LMO1: variants seen among roughly 807,000 people sequenced by gnomAD.
LMO1 encodes LIM domain only 1, also known as rhombotin-1.
Under a neutral mutation model 18.0 loss-of-function variants are expected in LMO1, and 10 were observed. The observed-to-expected ratio is 0.55, with a 90% CI of 0.34 to 0.94. The LOEUF (loss-of-function observed/expected upper bound fraction) is 0.94. Ranked by LOEUF, LMO1 falls within the 40% of genes least tolerant of loss-of-function variation. The pLI, the probability that LMO1 is intolerant of heterozygous loss-of-function variation, is 0.02. For missense variants in LMO1, 183 were observed against 205.7 expected (o/e 0.89, Z 0.68); for synonymous variants, 77 against 77.9 (o/e 0.99, Z 0.06).
intron 1 of LMO1, among the ~76,000 whole-genome samples, chr11:8,261,769 A>G (rs7951420): frequency 0.6 from 90,963 of 151,952 alleles, 27,232 homozygotes; most frequent in African/African-American, 0.67. Context: ...TGTCTGGCCC[A>G]ACCCCAGACC....
upstream of LMO1, among the ~76,000 whole-genome samples, chr11:8,268,110 A>G (rs962268981): frequency 6.6e-6 from 1 of 152,252 alleles, no homozygotes; most frequent in Non-Finnish European, 1.5e-5. Context: ...GGCGCTCCGG[A>G]TGCCCGCAAG....
At chr11:8,224,817 T>C in intron 3 of LMO1, 96 bp from the exon 4 acceptor site, 1 of 732,234 alleles carries the variant, frequency 1.4e-6, no homozygotes. Flanking sequence ...TGAGGTGAGC[T>C]ATGTGGGAGG....
intron 1 of LMO1, 32 bp downstream of exon 1, chr11:8,263,306 G>T: frequency 6.3e-7 from 1 of 1,591,966 alleles, no homozygotes; most frequent in Admixed American, 1.7e-5. Context: ...GCGAGGGGGT[G>T]AGGGGCGTCG....
intron 1 of LMO1, among the ~76,000 whole-genome samples, chr11:8,261,525 C>G (rs1444588622): frequency 6.6e-6 from 1 of 152,216 alleles, no homozygotes; most frequent in East Asian, 1.9e-4. Context: ...CCTGAGGCCT[C>G]TCACGTACAG....
At chr11:8,237,438 T>G (rs1476072688) in intron 1 of LMO1, among the ~76,000 whole-genome samples, 1 of 152,202 alleles carries the variant, frequency 6.6e-6, no homozygotes, top group African/African-American at 2.4e-5. Context: ...ACCAGTTTTA[T>G]CTCCACAATT....
intron 1 of LMO1, among the ~76,000 whole-genome samples, chr11:8,256,426 G>C (rs79060623): frequency 0.041 from 6,189 of 152,282 alleles, 142 homozygotes; most frequent in Middle Eastern, 0.065. Flanking sequence ...CCTGTAGACA[G>C]GAGGCCACTC....
intron 1 of LMO1, among the ~76,000 whole-genome samples, chr11:8,236,036 T>C (rs1952755979): frequency 6.6e-6 from 1 of 152,124 alleles, no homozygotes; most frequent in African/African-American, 2.4e-5. Context: ...TAGTGGTCAG[T>C]GCAAGTATGT....
At chr11:8,258,343 C>T (rs187730752) in intron 1 of LMO1, among the ~76,000 whole-genome samples, 291 of 152,340 alleles carry the variant, frequency 1.9e-3, no homozygotes, top group African/African-American at 6.6e-3. Context: ...GGGCCTGCAT[C>T]TGCTCTAGAC....
At chr11:8,238,540 G>A (rs1301932530) in intron 1 of LMO1, among the ~76,000 whole-genome samples, 7 of 151,966 alleles carry the variant, frequency 4.6e-5, no homozygotes, top group African/African-American at 1.2e-4. Flanking sequence ...CCGTGGTGGC[G>A]GGTGCCTGTA....
intron 1 of LMO1, among the ~76,000 whole-genome samples, chr11:8,234,189 T>A (rs1038491399): frequency 6.6e-6 from 1 of 152,114 alleles, no homozygotes; most frequent in Non-Finnish European, 1.5e-5. Context: ...GCAGGGCTGC[T>A]GGTGGAAGGA....
At chr11:8,236,004 C>T (rs934440620) in intron 1 of LMO1, among the ~76,000 whole-genome samples, 1 of 152,138 alleles carries the variant, frequency 6.6e-6, no homozygotes, top group South Asian at 2.1e-4. Flanking sequence ...GGCCATAGTC[C>T]AGCTCCACCC....
At chr11:8,224,758 G>T (rs771079997) in intron 3 of LMO1, 37 bp from the exon 4 acceptor site, 5 of 1,382,658 alleles carry the variant, frequency 3.6e-6, no homozygotes, top group Non-Finnish European at 5.0e-6. Context: ...GCCATGGGAA[G>T]GTCCCAGTGG....
chr11:8,248,366 TGCC>T (rs1263656002), intron 1 of LMO1, among the ~76,000 whole-genome samples: 3 of 152,202 alleles, frequency 2.0e-5, no homozygotes, highest in African/African-American at 7.2e-5. Flanking sequence ...GAAGAGTGTG[TGCC>T]CTTGAGACAG....
chr11:8,232,683 G>A (rs1339425730), intron 1 of LMO1, among the ~76,000 whole-genome samples: 1 of 152,166 alleles, frequency 6.6e-6, no homozygotes, highest in Admixed American at 6.5e-5. Flanking sequence ...AGCAGGCCTG[G>A]CTCCCTTCCC....
intron 1 of LMO1, among the ~76,000 whole-genome samples, chr11:8,255,111 A>G (rs12362235): frequency 0.32 from 48,622 of 151,932 alleles, 9,485 homozygotes; most frequent in East Asian, 0.5. Flanking sequence ...CTGCTTCTCC[A>G]CCCTTTGAAC....
chr11:8,267,823 C>A (rs1405846254), upstream of LMO1, among the ~76,000 whole-genome samples: 1 of 152,236 alleles, frequency 6.6e-6, no homozygotes, highest in Non-Finnish European at 1.5e-5. Flanking sequence ...TCCCAACATG[C>A]CAGGCTGGGT....
intron 1 of LMO1, among the ~76,000 whole-genome samples, chr11:8,250,114 T>C (rs1374587552): frequency 6.6e-6 from 1 of 152,210 alleles, no homozygotes; most frequent in African/African-American, 2.4e-5. Context: ...AAGGTGACTA[T>C]TGGCTTACGA....
At chr11:8,230,595 T>A in intron 1 of LMO1, 91 bp from the exon 2 acceptor site, 2 of 1,318,988 alleles carry the variant, frequency 1.5e-6, no homozygotes, top group Admixed American at 1.7e-5. Context: ...GCTCACTGCT[T>A]CTCTCTGCTG....
At chr11:8,267,810 A>G (rs1014433932), upstream of LMO1, among the ~76,000 whole-genome samples, 43 of 152,214 alleles carry the variant, frequency 2.8e-4, no homozygotes, top group Middle Eastern at 3.4e-3. Flanking sequence ...CCAGCGTGGC[A>G]CCTCCCAACA....
Sources: gnomAD v4.1 joint callset for allele counts (sites outside exome capture counted in the v4.1 genomes callset) on GRCh38, gnomAD v4.1.1 for gene constraint, MANE v1.5 for transcripts, NCBI Gene and HGNC (gene_info 2026-07-23, HGNC 2026-07-21) for gene names.